Variants in SLC14A2 observed in about 807,000 individuals in gnomAD.
SLC14A2 encodes solute carrier family 14 member 2.
In SLC14A2, 91 loss-of-function variants were observed where a neutral mutation model predicts 104.6. The ratio of observed to expected loss-of-function variants is 0.87; its 90% confidence interval spans 0.73 to 1.04. The LOEUF is 1.04. Ranked by LOEUF, SLC14A2 falls within the 50% of genes least tolerant of loss-of-function variation. SLC14A2 has a pLI of 0.00. For synonymous variants in SLC14A2, 476 were observed against 466.4 expected (o/e 1.02, Z -0.27); for missense variants, 1,189 against 1,156.0 (o/e 1.03, Z -0.41).
intron 1 of SLC14A2, among the ~76,000 whole-genome samples, chr18:45,218,139 C>T (rs1181724130): frequency 6.6e-6 from 1 of 152,206 alleles, no homozygotes; most frequent in African/African-American, 2.4e-5. Flanking sequence ...TTCATCCCCC[C>T]GAAGTGAAAC....
intron 1 of SLC14A2, among the ~76,000 whole-genome samples, chr18:45,340,297 A>G (rs1268313917): frequency 6.6e-6 from 1 of 152,212 alleles, no homozygotes; most frequent in Non-Finnish European, 1.5e-5. Context: ...ATCTGGACCT[A>G]AGATTTAGAA....
chr18:45,276,348 T>C (rs2084702732), intron 1 of SLC14A2, among the ~76,000 whole-genome samples: 1 of 152,214 alleles, frequency 6.6e-6, no homozygotes, highest in African/African-American at 2.4e-5. Flanking sequence ...AACAGAGGTG[T>C]GTACAAAGTG....
the SLC14A2 span, among the ~76,000 whole-genome samples, chr18:45,168,213 C>T: frequency 6.6e-6 from 1 of 152,162 alleles, no homozygotes; most frequent in African/African-American, 2.4e-5. Flanking sequence ...CTTAAGGTAA[C>T]GTATAACTGG....
intron 2 of SLC14A2, among the ~76,000 whole-genome samples, chr18:45,511,299 A>G (rs568234165): frequency 1.3e-5 from 2 of 152,070 alleles, no homozygotes; most frequent in Admixed American, 6.5e-5. Flanking sequence ...ATATTGATAC[A>G]CCTCTATATT....
chr18:45,235,871 ATATGTATATATACATATATGTGTGTATG>A lies in SLC14A2; in HGVS notation c.-125+22708_-125+22735del, dbSNP rs1568113667. Among the ~76,000 whole-genome samples, 44 of 101,030 alleles carry A rather than the reference ATATGTATATATACATATATGTGTGTATG, an allele frequency of 4.4e-4. 5 individuals are homozygous for A. The highest frequency in any genetic ancestry group is 1.5e-3 in the African/African-American group (40 of 25,938). 66.3% of individuals were successfully genotyped at this position (101,030 alleles called of 152,430 possible). On this transcript the variant is annotated intron_variant, in intron 1 of 20. Coordinates refer to the SLC14A2 transcript ENST00000586448. ...TGTATATATACATATATGTGTGTATATATGTATATATACATATATGTGTGTATGTATGTATATATACATATATGTGTGT... is the reference window on the plus strand; with the variant it reads ...TGTATATATACATATATGTGTGTATATATGTATATATACATATATGTGTGT...
At chr18:45,584,042 C>T (rs893045167) in intron 2 of SLC14A2, among the ~76,000 whole-genome samples, 1 of 152,192 alleles carries the variant, frequency 6.6e-6, no homozygotes, top group Non-Finnish European at 1.5e-5. Flanking sequence ...ATTGGTTTCA[C>T]GTAAAGTCTT....
chr18:45,397,253 A>T (rs1003548561), intron 1 of SLC14A2, among the ~76,000 whole-genome samples: 5 of 152,186 alleles, frequency 3.3e-5, no homozygotes, highest in Non-Finnish European at 7.3e-5. Context: ...GCTTTCCACA[A>T]TGGTTGAAGT....
At chr18:45,463,768 G>C (rs1276157608) in intron 1 of SLC14A2, among the ~76,000 whole-genome samples, 1 of 152,158 alleles carries the variant, frequency 6.6e-6, no homozygotes, top group Non-Finnish European at 1.5e-5. Context: ...AGAGTGTGTG[G>C]ATATGGGCTA....
At chr18:45,251,350 C>T (rs2084421384) in intron 1 of SLC14A2, among the ~76,000 whole-genome samples, 2 of 152,158 alleles carry the variant, frequency 1.3e-5, no homozygotes, top group African/African-American at 4.8e-5. Flanking sequence ...CTGCAAATGC[C>T]ATTAATTCAT....
At chr18:45,593,486 C>CTTTTTTTTTTTT (rs1172271684) in intron 2 of SLC14A2, among the ~76,000 whole-genome samples, 1 of 88,788 alleles carries the variant, frequency 1.1e-5, no homozygotes, top group African/African-American at 4.7e-5. Flanking sequence ...TTTCCTTAAT[C>CTTTTTTTTTTTT]TTTTTTTTTT....
chr18:45,606,020 C>T (rs1020433956), intron 2 of SLC14A2, among the ~76,000 whole-genome samples: 2 of 152,160 alleles, frequency 1.3e-5, no homozygotes, highest in Admixed American at 1.3e-4. Flanking sequence ...CTCCAAGTAA[C>T]TATTCAAGTC....
intron 1 of SLC14A2, among the ~76,000 whole-genome samples, chr18:45,230,180 T>C (rs1455806382): frequency 6.6e-6 from 1 of 152,182 alleles, no homozygotes; most frequent in Admixed American, 6.5e-5. Context: ...TGTTCCTCCT[T>C]TGTTACTTCG....
intron 1 of SLC14A2, among the ~76,000 whole-genome samples, chr18:45,352,100 G>C (rs8085852): frequency 0.39 from 59,000 of 152,026 alleles, 12,761 homozygotes; most frequent in African/African-American, 0.58. Context: ...CAGGGCATGG[G>C]ACTGTGGCGC....
chr18:45,386,427 A>G (rs2085897337), intron 1 of SLC14A2, among the ~76,000 whole-genome samples: 1 of 152,134 alleles, frequency 6.6e-6, no homozygotes, highest in African/African-American at 2.4e-5. Flanking sequence ...TGCAAAACCA[A>G]AGCCAGCCAT....
At chr18:45,473,135 TC>T (rs1485102121) in intron 1 of SLC14A2, among the ~76,000 whole-genome samples, 1 of 152,250 alleles carries the variant, frequency 6.6e-6, no homozygotes, top group Non-Finnish European at 1.5e-5. Flanking sequence ...AAATAGGGAA[TC>T]CTTTCTCCAT....
intron 2 of SLC14A2, among the ~76,000 whole-genome samples, chr18:45,553,636 A>G (rs1309724522): frequency 6.6e-6 from 1 of 152,238 alleles, no homozygotes; most frequent in Non-Finnish European, 1.5e-5. Context: ...GGCAAGAACC[A>G]CAAGTTTAAT....
intron 1 of SLC14A2, among the ~76,000 whole-genome samples, chr18:45,418,992 C>A (rs1352429225): frequency 6.6e-6 from 1 of 152,136 alleles, no homozygotes; most frequent in Non-Finnish European, 1.5e-5. Flanking sequence ...TATATTTGGG[C>A]TGTTCAGGCT....
At chr18:45,181,357 G>A in the SLC14A2 span, 1 of 152,212 alleles carries the variant, frequency 6.6e-6, no homozygotes, top group Admixed American at 6.6e-5. Flanking sequence ...GGCTCTCTTT[G>A]GATCAAGTGC....
At chr18:45,274,099 G>T (rs1392063170) in intron 1 of SLC14A2, among the ~76,000 whole-genome samples, 1 of 152,068 alleles carries the variant, frequency 6.6e-6, no homozygotes, top group East Asian at 1.9e-4. Context: ...CCTTGTATTG[G>T]TGATAGCACA....
Sources: allele counts gnomAD v4.1 joint callset (sites outside exome capture counted in the v4.1 genomes callset), GRCh38; gene constraint gnomAD v4.1.1; transcripts MANE v1.5; gene names NCBI Gene and HGNC (gene_info 2026-07-23, HGNC 2026-07-21).